Variants in SLC35A3 observed in about 807,000 individuals in gnomAD.
The protein encoded by SLC35A3 is UDP-N-acetylglucosamine transporter.
SLC35A3 carries 26 observed loss-of-function variants against 39.0 expected under a neutral mutation model. The ratio of observed to expected loss-of-function variants is 0.67; its 90% CI spans 0.49 to 0.92. The LOEUF (loss-of-function observed/expected upper bound fraction) is 0.92, where lower values mean the gene tolerates loss of function less well. SLC35A3 is among the 40% of genes least tolerant of loss of function. The probability of loss-of-function intolerance (pLI) is 0.00; values close to 1 mark genes in which losing one functional copy is unlikely to be tolerated. For synonymous variants in SLC35A3, 135 were observed against 133.1 expected (o/e 1.01, Z -0.10); for missense variants, 299 against 371.6 (o/e 0.80, Z 1.61).
intron 1 of SLC35A3, among the ~76,000 whole-genome samples, chr1:99,979,936 C>T (rs578138445): frequency 1.8e-4 from 27 of 151,720 alleles, no homozygotes; most frequent in African/African-American, 3.6e-4. Context: ...CCCAGCTACT[C>T]GGGACACTGA....
At chr1:99,980,178 C>T (rs1444366614) in intron 1 of SLC35A3, among the ~76,000 whole-genome samples, 1 of 148,506 alleles carries the variant, frequency 6.7e-6, no homozygotes, top group Non-Finnish European at 1.5e-5. Context: ...TACTTCTATC[C>T]CCAATCTTCT....
At chr1:99,981,158 T>A (rs921530247) in intron 1 of SLC35A3, among the ~76,000 whole-genome samples, 2 of 152,206 alleles carry the variant, frequency 1.3e-5, no homozygotes, top group Non-Finnish European at 2.9e-5. Context: ...TATACTTTTT[T>A]CTGTTGATTT....
At chr1:100,002,725 T>C (rs2101239214) in intron 3 of SLC35A3, among the ~76,000 whole-genome samples, 1 of 152,186 alleles carries the variant, frequency 6.6e-6, no homozygotes, top group African/African-American at 2.4e-5. Flanking sequence ...CAAGAAATCC[T>C]CCCATCTCAG....
At chr1:99,977,387 A>T (rs915353861) in intron 1 of SLC35A3, among the ~76,000 whole-genome samples, 2 of 143,704 alleles carry the variant, frequency 1.4e-5, no homozygotes, top group Non-Finnish European at 3.1e-5. Context: ...AAAAAAAATT[A>T]GCTGGGCGTG....
chr1:100,006,649 C>G (rs1659251362), intron 3 of SLC35A3, among the ~76,000 whole-genome samples: 1 of 152,094 alleles, frequency 6.6e-6, no homozygotes, highest in African/African-American at 2.4e-5. Context: ...ACAGGCTTGT[C>G]CTCAGGCCCC....
chr1:99,991,454 A>T (rs1315738223), intron 1 of SLC35A3, among the ~76,000 whole-genome samples: 3 of 151,978 alleles, frequency 2.0e-5, no homozygotes, highest in African/African-American at 7.2e-5. Context: ...ACCAGTTTTG[A>T]TTACTGTAGT....
rs567720868 is a variant in SLC35A3, at chr1:100,015,306, C to A, written c.639C>A (p.Phe213Leu). Reference sequence around the variant, plus strand: ...GTAGACTTTACTTTTTTTTAGGTTTCTTTGGAAGTATATTTGGATTAATGG... The same window carrying A: ...GTAGACTTTACTTTTTTTTAGGTTTATTTGGAAGTATATTTGGATTAATGG... Reference protein sequence around the residue: ...SVWIRNIQLGFFGSIFGLMGV... With the variant: ...SVWIRNIQLGLFGSIFGLMGV... The change falls in exon 6 of 8, where the codon TTC (phenylalanine) becomes TTA (leucine). Residue 213 changes from phenylalanine (F) to leucine (L), a missense_variant. By Grantham distance (22) the Phe-to-Leu change is conservative. Transcript: ENST00000533028. The A allele has an allele frequency of 1.8e-5, 28 of 1,592,588 alleles. 1 individual carries two copies. In the South Asian group the frequency reaches 2.5e-4, roughly 14 times the overall value.
chr1:100,017,678 T>G lies in SLC35A3; in HGVS notation c.754-4T>G. 1 of 1,525,614 alleles carries G rather than the reference T, an allele frequency of 6.6e-7. No individual in the cohort carries two copies. The highest frequency in any genetic ancestry group is 8.8e-7 in the Non-Finnish European group (1 of 1,135,936). 94.5% of individuals were successfully genotyped at this position (1,525,614 alleles called of 1,614,324 possible). ...TTTTAAAAAATATTTTTTTAAAACT[T>G]CAGGCACTTGGAGGCCTTGTAATAG... On this transcript the variant is annotated splice_region_variant and splice_polypyrimidine_tract_variant and intron_variant, in intron 6 of 7. Transcript: ENST00000533028.
In SLC35A3 at chr1:99,974,950, CT is replaced by C. The variant is rs772684971; in HGVS notation, c.-19+4801del. ...CAAACCAGTTTTGACCTGCATTTGTCTTTTTTTTTTTTTGAGACAGGGTCTC... is the reference window on the plus strand; with the variant it reads ...CAAACCAGTTTTGACCTGCATTTGTCTTTTTTTTTTTTGAGACAGGGTCTC... On this transcript the variant is annotated intron_variant, in intron 1 of 7. Transcript: ENST00000533028. 4.9e-3 allele frequency: 715 copies of C among 144,450 alleles called. 1 individual carries two copies. Among genetic ancestry groups the C allele is most frequent in the African/African-American group, 9.7e-3 (388 of 39,834 alleles). 8.9% of individuals were successfully genotyped at this position (144,450 alleles called of 1,614,324 possible).
chr1:99,996,561 T>G (rs1557832131), intron 2 of SLC35A3, among the ~76,000 whole-genome samples: 1 of 152,168 alleles, frequency 6.6e-6, no homozygotes, highest in Non-Finnish European at 1.5e-5. Context: ...GAATTGGTGA[T>G]TATTTAAAAA....
chr1:100,017,555 A>T, intron 6 of SLC35A3, 127 bp from the exon 7 acceptor site: 2 of 560,182 alleles, frequency 3.6e-6, no homozygotes, highest in Non-Finnish European at 6.0e-6. Context: ...AGATGTTTAA[A>T]ATAAATCCCT....
intron 1 of SLC35A3, among the ~76,000 whole-genome samples, chr1:99,988,051 A>G (rs1407477796): frequency 6.6e-6 from 1 of 152,198 alleles, no homozygotes; most frequent in East Asian, 1.9e-4. Flanking sequence ...GAACCATTAT[A>G]CCCCTGAATT....
intron 1 of SLC35A3, among the ~76,000 whole-genome samples, chr1:99,991,773 G>A (rs1053111830): frequency 3.9e-5 from 6 of 151,908 alleles, no homozygotes; most frequent in Admixed American, 1.3e-4. Context: ...TTTTGGAGAC[G>A]TAGTCTTGCT....
intron 3 of SLC35A3, among the ~76,000 whole-genome samples, chr1:100,006,043 G>T (rs1404389850): frequency 6.6e-6 from 1 of 152,144 alleles, no homozygotes; most frequent in Admixed American, 6.5e-5. Flanking sequence ...GTTGGGTAGG[G>T]TGCTTTGGCT....
chr1:99,993,621 A>C lies in SLC35A3; in HGVS notation c.67A>C (p.Thr23Pro), dbSNP rs1347810594. Residue 23 changes from threonine to proline, a missense_variant, in exon 2 of 8, where the codon ACA (threonine) becomes CCA (proline). By Grantham distance (38) the Thr-to-Pro change is conservative. Coordinates refer to ENST00000533028, the MANE Select transcript of SLC35A3 (RefSeq NM_012243.3). ...LVFQTTSLVL[T>P]MRYSRTLKEE... Reference sequence around the variant, plus strand: ...CTTTCAGACTACCAGTTTGGTTCTAACAATGCGTTATTCCAGAACTTTAAA... The same window carrying C: ...CTTTCAGACTACCAGTTTGGTTCTACCAATGCGTTATTCCAGAACTTTAAA... 6.2e-7 allele frequency: 1 copy of C among 1,614,018 alleles called. No homozygotes were observed. The highest frequency in any genetic ancestry group is 8.5e-7 in the Non-Finnish European group (1 of 1,179,952).
At chr1:99,997,287 A>G (rs1457526314) in intron 2 of SLC35A3, among the ~76,000 whole-genome samples, 2 of 151,434 alleles carry the variant, frequency 1.3e-5, no homozygotes, top group Non-Finnish European at 2.9e-5. Context: ...TGCTGCCTGA[A>G]ACAAGAACTA....
At chr1:100,001,165 C>T (rs1265662471) in intron 3 of SLC35A3, among the ~76,000 whole-genome samples, 1 of 151,940 alleles carries the variant, frequency 6.6e-6, no homozygotes, top group Non-Finnish European at 1.5e-5. Flanking sequence ...GTTCTTTTTG[C>T]TCAGGGTTGC....
chr1:99,999,410 T>G lies in SLC35A3; in HGVS notation c.337T>G (p.Tyr113Asp). 1 of 1,577,540 alleles carries G rather than the reference T, an allele frequency of 6.3e-7. No homozygotes were observed. Among genetic ancestry groups the G allele is most frequent in the East Asian group, 2.3e-5 (1 of 44,096 alleles). The change falls in exon 3 of 8, where the codon TAT becomes GAT. Residue 113 changes from tyrosine (Y) to aspartate (D), a missense_variant. Physicochemically the swap from Tyr to Asp is radical, Grantham distance 160. Coordinates refer to ENST00000533028, the MANE Select transcript of SLC35A3 (RefSeq NM_012243.3). ...ACTATCAAATCTAGATGCAGCTACT[T>G]ATCAGGTACTTAAAATACATTTCTT... ...VALSNLDAAT[Y>D]QVTYQLKILT...
intron 3 of SLC35A3, 59 bp downstream of exon 3, chr1:99,999,474 G>A: frequency 1.7e-6 from 2 of 1,151,478 alleles, no homozygotes; most frequent in Non-Finnish European, 2.5e-6. Context: ...CATAATAATT[G>A]TATATATTTA....
Sources: allele counts gnomAD v4.1 joint callset (sites outside exome capture counted in the v4.1 genomes callset), GRCh38; gene constraint gnomAD v4.1.1; transcripts MANE v1.5; gene names NCBI Gene and HGNC (gene_info 2026-07-23, HGNC 2026-07-21).